Variants in NAALADL2 observed in about 807,000 individuals in gnomAD.
The protein encoded by NAALADL2 is inactive N-acetylated-alpha-linked acidic dipeptidase-like protein 2.
NAALADL2 carries 76 observed loss-of-function variants against 87.2 expected under a neutral mutation model. The observed-to-expected ratio is 0.87, with a 90% CI of 0.72 to 1.05. The LOEUF is 1.05. Ranked by LOEUF, NAALADL2 falls within the 50% of genes least tolerant of loss-of-function variation. NAALADL2 has a pLI of 0.00. For missense variants in NAALADL2, 1,089 were observed against 945.8 expected, an observed-to-expected ratio of 1.15 and a Z score of -1.99; for synonymous variants, 354 against 331.0, an observed-to-expected ratio of 1.07 and a Z score of -0.75.
At chr3:174,713,812 C>T (rs896657391) in intron 2 of NAALADL2, among the ~76,000 whole-genome samples, 1 of 151,852 alleles carries the variant, frequency 6.6e-6, no homozygotes, top group African/African-American at 2.4e-5. Flanking sequence ...GAATTAGATC[C>T]CATTTGTCAA....
chr3:174,854,172 TTATACA>T (rs1267523352), intron 3 of NAALADL2, among the ~76,000 whole-genome samples: 1 of 152,140 alleles, frequency 6.6e-6, no homozygotes, highest in African/African-American at 2.4e-5. Flanking sequence ...AATATAGTAC[TTATACA>T]TAATAAGAGT....
At chr3:175,702,093 T>C (rs1458316439) in intron 11 of NAALADL2, among the ~76,000 whole-genome samples, 1 of 152,166 alleles carries the variant, frequency 6.6e-6, no homozygotes, top group Admixed American at 6.6e-5. Context: ...TTTATGAATA[T>C]GTCAAATATG....
At position 174,801,428 on chromosome 3, in the gene NAALADL2, C is replaced by T. The variant is rs151142920; in HGVS notation, c.-9+63682C>T. Among the ~76,000 whole-genome samples, 962 of 152,296 alleles carry T rather than the reference C, an allele frequency of 6.3e-3. 9 individuals carry two copies. Among genetic ancestry groups the T allele is most frequent in the Middle Eastern group, 0.024 (7 of 294 alleles). ...TTTGCCTTCAGCCATGATTGTGAGA[C>T]TTCTCCAGCAACGTGGAACTGTAAG... On this transcript the variant is annotated intron_variant, in intron 3 of 3. Coordinates refer to the NAALADL2 transcript ENST00000434257.
At chr3:175,471,327 T>G (rs1452066303) in intron 8 of NAALADL2, among the ~76,000 whole-genome samples, 1 of 151,354 alleles carries the variant, frequency 6.6e-6, no homozygotes, top group Non-Finnish European at 1.5e-5. Flanking sequence ...CTACTAAAAA[T>G]ACAAAAAATT....
At chr3:174,760,163 A>G (rs1173100038) in intron 3 of NAALADL2, among the ~76,000 whole-genome samples, 6 of 152,156 alleles carry the variant, frequency 3.9e-5, no homozygotes, top group African/African-American at 1.4e-4. Context: ...AGCAGCAAAA[A>G]AACAGTGGAA....
intron 3 of NAALADL2, among the ~76,000 whole-genome samples, chr3:175,248,373 T>G (rs915060516): frequency 1.3e-5 from 2 of 152,192 alleles, no homozygotes; most frequent in Non-Finnish European, 2.9e-5. Context: ...ATGTACTTAA[T>G]AAAAATATTT....
intron 1 of NAALADL2, among the ~76,000 whole-genome samples, chr3:174,887,911 T>G (rs1308057016): frequency 6.6e-6 from 1 of 151,696 alleles, no homozygotes; most frequent in Non-Finnish European, 1.5e-5. Flanking sequence ...AAAAGTAAGA[T>G]AGACAATAAA....
At chr3:175,003,666 T>G (rs994931715) in intron 1 of NAALADL2, among the ~76,000 whole-genome samples, 1 of 152,178 alleles carries the variant, frequency 6.6e-6, no homozygotes, top group African/African-American at 2.4e-5. Flanking sequence ...AGTCCTTCAG[T>G]AAACTGGAAG....
intron 5 of NAALADL2, among the ~76,000 whole-genome samples, chr3:175,377,402 G>A (rs1767263441): frequency 6.6e-6 from 1 of 152,044 alleles, no homozygotes; most frequent in Non-Finnish European, 1.5e-5. Flanking sequence ...TTTAATTGTT[G>A]TTCTTACTTT....
At chr3:174,828,463 G>A (rs1196498177) in intron 3 of NAALADL2, among the ~76,000 whole-genome samples, 1 of 152,158 alleles carries the variant, frequency 6.6e-6, no homozygotes, top group Non-Finnish European at 1.5e-5. Context: ...TTCTGATTCA[G>A]TTGCTGTATC....
At chr3:174,698,566 T>G (rs1429606682) in intron 2 of NAALADL2, among the ~76,000 whole-genome samples, 1 of 151,436 alleles carries the variant, frequency 6.6e-6, no homozygotes, top group Non-Finnish European at 1.5e-5. Context: ...GACTCCTATT[T>G]ATTTTTAAAA....
At chr3:174,860,645 C>G (rs1461749326) in intron 1 of NAALADL2, among the ~76,000 whole-genome samples, 1 of 152,058 alleles carries the variant, frequency 6.6e-6, no homozygotes, top group Non-Finnish European at 1.5e-5. Context: ...TTGGCAACCA[C>G]CTAAATAGCC....
chr3:175,610,561 G>A (rs1724486567), intron 10 of NAALADL2, among the ~76,000 whole-genome samples: 1 of 151,944 alleles, frequency 6.6e-6, no homozygotes, highest in African/African-American at 2.4e-5. Context: ...TATTTACTAT[G>A]TTGAATTTTT....
intron 11 of NAALADL2, among the ~76,000 whole-genome samples, chr3:175,670,929 T>C (rs1178943053): frequency 6.6e-6 from 1 of 151,600 alleles, no homozygotes; most frequent in Non-Finnish European, 1.5e-5. Context: ...CAATTTAGGA[T>C]ATTCCTAGTA....
intron 2 of NAALADL2, among the ~76,000 whole-genome samples, chr3:175,180,289 AT>A (rs1295667092): frequency 6.6e-6 from 1 of 152,050 alleles, no homozygotes; most frequent in Non-Finnish European, 1.5e-5. Flanking sequence ...ACATATAAAA[AT>A]GTCTAATACA....
At chr3:174,453,092 C>A (rs1715591782) in intron 1 of NAALADL2, among the ~76,000 whole-genome samples, 1 of 152,108 alleles carries the variant, frequency 6.6e-6, no homozygotes, top group Admixed American at 6.5e-5. Context: ...AAGAATGTAA[C>A]TGACCTGATA....
chr3:175,678,904 A>C (rs1475169615), intron 11 of NAALADL2, among the ~76,000 whole-genome samples: 1 of 152,182 alleles, frequency 6.6e-6, no homozygotes, highest in Admixed American at 6.5e-5. Flanking sequence ...GTGAGCAACA[A>C]GGCTGTTCAT....
intron 5 of NAALADL2, among the ~76,000 whole-genome samples, chr3:175,337,478 G>C (rs1009189808): frequency 6.6e-6 from 1 of 152,110 alleles, no homozygotes; most frequent in African/African-American, 2.4e-5. Flanking sequence ...AACCATGACT[G>C]GTGTTCTAAT....
At position 175,225,020 on chromosome 3, in the gene NAALADL2, G is replaced by C. The variant is rs145057213; in HGVS notation, c.546-8911G>C. Among the ~76,000 whole-genome samples the C allele has an allele frequency of 2.0e-3, 300 of 152,224 alleles. 1 individual carries two copies. Among genetic ancestry groups the C allele is most frequent in the Admixed American group, 3.3e-3 (51 of 15,272 alleles). On this transcript the variant is annotated intron_variant, in intron 2 of 13. Coordinates refer to ENST00000454872, the MANE Select transcript of NAALADL2 (RefSeq NM_207015.3). ...TTAATTGAGATGATTTCAGTGTTTG[G>C]TGCTGAAATGAGTCTGCCCAGGAAG...
Sources: gnomAD v4.1 joint callset for allele counts (sites outside exome capture counted in the v4.1 genomes callset) on GRCh38, gnomAD v4.1.1 for gene constraint, MANE v1.5 for transcripts, NCBI Gene and HGNC (gene_info 2026-07-23, HGNC 2026-07-21) for gene names.